VIPR2: variants seen among roughly 807,000 people sequenced by gnomAD.
The protein encoded by VIPR2 is vasoactive intestinal polypeptide receptor 2.
VIPR2 carries 48 observed loss-of-function variants against 58.0 expected under a neutral mutation model. That is an observed-to-expected ratio of 0.83 (90% confidence interval 0.66 to 1.05). VIPR2 has a LOEUF of 1.05. Among genes scored for constraint, VIPR2 ranks in the 50% least tolerant of loss-of-function variants. The pLI, the probability that VIPR2 is intolerant of heterozygous loss-of-function variation, is 0.00. For missense variants in VIPR2, 534 were observed against 558.0 expected (o/e 0.96, Z 0.43); for synonymous variants, 243 against 235.2 (o/e 1.03, Z -0.30).
chr7:159,098,862 T>C lies in VIPR2; in HGVS notation c.357+4895A>G, dbSNP rs961831197. Among the ~76,000 whole-genome samples, 1 of 152,228 alleles carries C rather than the reference T, an allele frequency of 6.6e-6. No homozygotes were observed. On this transcript the variant is annotated intron_variant, in intron 4 of 12. Coordinates refer to ENST00000262178, the MANE Select transcript of VIPR2 (RefSeq NM_003382.5). The surrounding 1 kb of genome is among the most constrained non-coding windows in gnomAD (Gnocchi z 5.2). ...GGAAACACAACTAAAAATGTGAATC[T>C]GGGAAGCAAGTGGGCCTGATGGGAC...
chr7:159,063,922 G>A (rs1324024562), intron 4 of VIPR2, among the ~76,000 whole-genome samples: 32 of 140,948 alleles, frequency 2.3e-4, no homozygotes, highest in Middle Eastern at 3.6e-3. Context: ...GAGGGATGTG[G>A]GGTCCTGGTT....
At chr7:159,135,748 A>G (rs1231543024) in intron 2 of VIPR2, among the ~76,000 whole-genome samples, 1 of 152,208 alleles carries the variant, frequency 6.6e-6, no homozygotes, top group African/African-American at 2.4e-5. Flanking sequence ...GCTTGAACCC[A>G]GGAGGCGGAG....
intron 5 of VIPR2, among the ~76,000 whole-genome samples, chr7:159,048,914 C>T (rs1031148404): frequency 8.5e-5 from 13 of 152,168 alleles, no homozygotes; most frequent in African/African-American, 3.1e-4. Flanking sequence ...CTGCTGGGTC[C>T]ACTTGTTCAA....
chr7:159,083,339 C>A (rs932131599), intron 4 of VIPR2, among the ~76,000 whole-genome samples: 1 of 152,208 alleles, frequency 6.6e-6, no homozygotes, highest in East Asian at 1.9e-4. Context: ...TGTTCCAGTC[C>A]CATTTGCGAG....
intron 8 of VIPR2, 39 bp downstream of exon 8, chr7:159,035,912 CG>C: frequency 6.2e-7 from 1 of 1,600,860 alleles, no homozygotes; most frequent in Non-Finnish European, 8.5e-7. Flanking sequence ...CAGATGTTGC[CG>C]GGCCCGTTTT....
At chr7:159,039,365 C>T (rs1289534444) in intron 6 of VIPR2, among the ~76,000 whole-genome samples, 1 of 152,140 alleles carries the variant, frequency 6.6e-6, no homozygotes, top group East Asian at 1.9e-4. Context: ...GTGATCCCAG[C>T]TACTCAGAAG....
Position 159,144,819 on chromosome 7 carries a change from CTAGG to C in VIPR2, c.-52_-49del. Reference sequence around the variant, plus strand: ...CCGCCCAGCGCCCGCCGCCTCCGTCCTAGGTCCCCGCGGTTCCGCCGCCTCCAGC... The same window carrying C: ...CCGCCCAGCGCCCGCCGCCTCCGTCCTCCCCGCGGTTCCGCCGCCTCCAGC... On this transcript the variant is annotated 5_prime_UTR_variant, in exon 1 of 13. The change abolishes the stop of an existing upstream ORF in the 5' untranslated region. Coordinates refer to ENST00000262178, the MANE Select transcript of VIPR2 (RefSeq NM_003382.5). The C allele has an allele frequency of 8.1e-7, 1 of 1,234,676 alleles. No individual in the cohort carries two copies. Among genetic ancestry groups the C allele is most frequent in the Non-Finnish European group, 1.0e-6 (1 of 989,674 alleles). The allele number at this position is 1,234,676 out of a possible 1,614,324, so 76.5% of individuals were successfully genotyped here. A position where few individuals can be genotyped will look rare whatever the true frequency, so the allele number is the denominator to read the frequency against.
rs1469235183 is a variant in VIPR2, at chr7:159,099,518, T to C, written c.357+4239A>G. Among the ~76,000 whole-genome samples the C allele has an allele frequency of 6.6e-6, 1 of 152,176 alleles. No homozygotes were observed. Among genetic ancestry groups the C allele is most frequent in the East Asian group, 1.9e-4 (1 of 5,192 alleles). ...TGCCTCCCAGATCCACATCACTCTT[T>C]ATAACCCAGGCTGGGGCTCAGAAAG... On this transcript the variant is annotated intron_variant, in intron 4 of 12. Transcript: ENST00000262178. This position sits in a 1 kb window ranked among gnomAD's most constrained non-coding sequence, Gnocchi z 4.2.
At chr7:159,088,427 C>T (rs1383132434) in intron 4 of VIPR2, among the ~76,000 whole-genome samples, 1 of 152,164 alleles carries the variant, frequency 6.6e-6, no homozygotes, top group Admixed American at 6.5e-5. Context: ...ACACATGCTG[C>T]AGCACACCTG....
At chr7:159,055,523 G>A (rs1025505983) in intron 5 of VIPR2, among the ~76,000 whole-genome samples, 3 of 152,036 alleles carry the variant, frequency 2.0e-5, no homozygotes, top group Admixed American at 1.3e-4. Flanking sequence ...CCAAAGCTGT[G>A]TGGCCACTGC....
At chr7:159,112,857 TGAG>T (rs1796089025) in intron 2 of VIPR2, among the ~76,000 whole-genome samples, 1 of 150,804 alleles carries the variant, frequency 6.6e-6, no homozygotes, top group Admixed American at 6.6e-5. Flanking sequence ...ACCCTGACTG[TGAG>T]GAGGAGACTC....
intron 4 of VIPR2, among the ~76,000 whole-genome samples, chr7:159,091,965 G>A (rs759367740): frequency 7.2e-5 from 11 of 152,198 alleles, no homozygotes; most frequent in Non-Finnish European, 1.3e-4. Flanking sequence ...GGTGGCGCAC[G>A]TCTGTAGTCC....
At chr7:159,063,068 G>C (rs1855806539) in intron 4 of VIPR2, among the ~76,000 whole-genome samples, 1 of 152,228 alleles carries the variant, frequency 6.6e-6, no homozygotes, top group Non-Finnish European at 1.5e-5. Flanking sequence ...GGACTCAGGA[G>C]CCCAGCTGGC....
In VIPR2 at chr7:159,084,023, C is replaced by T. The variant is rs183320032; in HGVS notation, c.357+19734G>A. On this transcript the variant is annotated intron_variant, in intron 4 of 12. Transcript: ENST00000262178. ...CTCAGCTTCCCAGCCCACTTCAGCC[C>T]CCATCACACACATCTCCGTCTGGGA... 1.6e-4 allele frequency among the ~76,000 whole-genome samples: 25 copies of T among 152,362 alleles called. No homozygotes were observed. In the East Asian group the frequency reaches 4.6e-3, roughly 28 times the overall value.
chr7:159,066,859 A>G (rs764267214), intron 4 of VIPR2, among the ~76,000 whole-genome samples: 4 of 152,234 alleles, frequency 2.6e-5, no homozygotes, highest in Non-Finnish European at 5.9e-5. Flanking sequence ...GTTGACATCA[A>G]TTTTGATCTG....
At chr7:159,081,785 C>T (rs143124381) in intron 4 of VIPR2, among the ~76,000 whole-genome samples, 5,943 of 152,060 alleles carry the variant, frequency 0.039, 365 homozygotes, top group African/African-American at 0.13. Flanking sequence ...AAAAACAACC[C>T]CATCAAAAAG....
At chr7:159,112,677 G>A (rs1010540765) in intron 2 of VIPR2, among the ~76,000 whole-genome samples, 2 of 143,884 alleles carry the variant, frequency 1.4e-5, no homozygotes, top group Non-Finnish European at 3.0e-5. Flanking sequence ...GTGAGGAGGC[G>A]GCTCACGGCG....
chr7:159,042,799 C>T (rs554063097), intron 6 of VIPR2, among the ~76,000 whole-genome samples: 1 of 152,292 alleles, frequency 6.6e-6, no homozygotes, highest in African/African-American at 2.4e-5. Context: ...CTTTCACTTC[C>T]CAGCCCTGAT....
rs781684962 is a variant in VIPR2, at chr7:159,031,942, A to C, written c.1097T>G (p.Phe366Cys). ...CGGCCGCCTCCGCACACCTACCTGG[A>C]ACGACCCGAGGCACAGCTCAAACAG... Reference protein sequence around the residue: ...QILFELCLGSFQGLVVAVLYC... With the variant: ...QILFELCLGSCQGLVVAVLYC... The change falls in exon 11 of 13, where the codon TTC (phenylalanine) becomes TGC (cysteine). Residue 366 changes from phenylalanine (F) to cysteine (C), a missense_variant. Phe to Cys is a radical substitution (Grantham distance 205). Coordinates refer to ENST00000262178, the MANE Select transcript of VIPR2 (RefSeq NM_003382.5). This position sits in a 1 kb window ranked among gnomAD's most constrained non-coding sequence, Gnocchi z 4.0. 6.2e-7 allele frequency: 1 copy of C among 1,614,142 alleles called. No individual in the cohort carries two copies. Among genetic ancestry groups the C allele is most frequent in the South Asian group, 1.1e-5 (1 of 91,080 alleles).
Sources: gnomAD v4.1 joint callset for allele counts (sites outside exome capture counted in the v4.1 genomes callset) on GRCh38, gnomAD v4.1.1 for gene constraint, Gnocchi (gnomAD v3.1) non-coding constraint, MANE v1.5 for transcripts, NCBI Gene and HGNC (gene_info 2026-07-23, HGNC 2026-07-21) for gene names.